BDP1: variants seen among roughly 807,000 people sequenced by gnomAD.
BDP1 encodes the protein BDP1 general transcription factor IIIB subunit.
Under a neutral mutation model 266.6 loss-of-function variants are expected in BDP1, and 169 were observed. That is an observed-to-expected ratio of 0.63 (90% CI 0.56 to 0.72). The LOEUF (loss-of-function observed/expected upper bound fraction) is 0.72. Ranked by LOEUF, BDP1 falls within the 30% of genes least tolerant of loss-of-function variation. The probability of loss-of-function intolerance (pLI) is 0.00; values close to 1 mark genes in which losing one functional copy is unlikely to be tolerated. For missense variants in BDP1, 3,015 were observed against 3,053.8 expected (o/e 0.99, Z 0.30); for synonymous variants, 1,090 against 1,022.4 (o/e 1.07, Z -1.26).
intron 26 of BDP1, among the ~76,000 whole-genome samples, chr5:71,534,201 T>C (rs886956455): frequency 1.3e-5 from 2 of 152,248 alleles, no homozygotes; most frequent in Non-Finnish European, 2.9e-5. Context: ...ATTTTTCTTC[T>C]AAAAGATGAT....
At chr5:71,475,863 TC>T (rs1762546662) in intron 7 of BDP1, 1 of 152,842 alleles carries the variant, frequency 6.5e-6, no homozygotes, top group Admixed American at 6.5e-5. Flanking sequence ...TTTTACCACT[TC>T]AATCACTAAA....
intron 15 of BDP1, among the ~76,000 whole-genome samples, chr5:71,503,065 A>G (rs1309547085): frequency 8.1e-5 from 11 of 136,634 alleles, no homozygotes; most frequent in African/African-American, 2.9e-4. Flanking sequence ...ACTCTGTCTC[A>G]AAAAAAAAAA....
intron 13 of BDP1, among the ~76,000 whole-genome samples, chr5:71,497,784 G>GT (rs1272936719): frequency 1.3e-5 from 2 of 152,066 alleles, no homozygotes; most frequent in Non-Finnish European, 2.9e-5. Flanking sequence ...CAAACTTTCT[G>GT]TTTGTTTTTT....
At chr5:71,471,010 T>TA (rs1380453070) in intron 7 of BDP1, among the ~76,000 whole-genome samples, 1 of 152,096 alleles carries the variant, frequency 6.6e-6, no homozygotes, top group African/African-American at 2.4e-5. Context: ...CATATTTTCT[T>TA]ATATCTTCTT....
rs1173184532 is a variant in BDP1, at chr5:71,525,428, G to A, written c.5772+1105G>A. 6.8e-4 allele frequency among the ~76,000 whole-genome samples: 95 copies of A among 138,856 alleles called. 2 individuals are homozygous for A. Among genetic ancestry groups the A allele is most frequent in the African/African-American group, 2.4e-3 (89 of 37,850 alleles). 91.1% of individuals were successfully genotyped at this position (138,856 alleles called of 152,430 possible). On this transcript the variant is annotated intron_variant, in intron 25 of 38. Transcript: ENST00000358731. ...ACCTCCCTCCCGGACGGGGCGGCTG[G>A]CCGGGCGGGGGGCTGACACCCCCCA...
chr5:71,524,654 A>C (rs1233682880), intron 25 of BDP1, among the ~76,000 whole-genome samples: 1 of 111,004 alleles, frequency 9.0e-6, no homozygotes, highest in Non-Finnish European at 2.0e-5. Context: ...ATTTTTTTTT[A>C]TTGATCATTC....
chr5:71,572,473 G>C (rs1373471502), downstream of BDP1, among the ~76,000 whole-genome samples: 1 of 152,198 alleles, frequency 6.6e-6, no homozygotes, highest in Non-Finnish European at 1.5e-5. Flanking sequence ...GGGACCCCGG[G>C]ATGAGTCTGC....
intron 25 of BDP1, among the ~76,000 whole-genome samples, chr5:71,527,261 T>C (rs2150524226): frequency 1.3e-5 from 2 of 150,634 alleles, no homozygotes; most frequent in East Asian, 3.9e-4. Flanking sequence ...GGTTGTCCCC[T>C]AGCCTGGCAA....
chr5:71,525,655 C>T (rs71576942), intron 25 of BDP1, among the ~76,000 whole-genome samples: 23 of 123,932 alleles, frequency 1.9e-4, no homozygotes, highest in East Asian at 5.0e-4. Flanking sequence ...CCCCACCTCC[C>T]TTCCGGACGG....
chr5:71,481,934 G>T (rs989148693), intron 7 of BDP1, among the ~76,000 whole-genome samples: 1 of 152,082 alleles, frequency 6.6e-6, no homozygotes, highest in African/African-American at 2.4e-5. Flanking sequence ...CTACATCCCT[G>T]GTAGAGAAAG....
intron 17 of BDP1, chr5:71,511,390 G>A: frequency 2.3e-6 from 1 of 440,594 alleles, no homozygotes; most frequent in South Asian, 5.1e-5. Flanking sequence ...GGCCAAGGTG[G>A]AAGGATTACT....
downstream of BDP1, among the ~76,000 whole-genome samples, chr5:71,568,140 G>C (rs764440935): frequency 1.3e-5 from 2 of 152,162 alleles, no homozygotes; most frequent in African/African-American, 4.8e-5. Context: ...AGAAGACCCT[G>C]TCTTTGTGGG....
Position 71,503,064 on chromosome 5 carries a change from C to CAA in BDP1, c.2241+290_2241+291dup, listed in dbSNP as rs1190511316. Among the ~76,000 whole-genome samples, 633 of 78,382 alleles carry CAA rather than the reference C, an allele frequency of 8.1e-3. 6 individuals carry two copies. Among genetic ancestry groups the CAA allele is most frequent in the African/African-American group, 0.023 (598 of 25,660 alleles). 51.4% of individuals were successfully genotyped at this position (78,382 alleles called of 152,430 possible). A position where few individuals can be genotyped will look rare whatever the true frequency, so the allele number is the denominator to read the frequency against. The stretch of plus-strand genomic sequence containing the variant: ...TAGGCGACAGAGCAAGACTCTGTCT[C>CAA]AAAAAAAAAAAAAAAAAATTCACAT... On this transcript the variant is annotated intron_variant, in intron 15 of 38. Transcript: ENST00000358731.
rs754236983 is a variant in BDP1, at chr5:71,461,899, A to G, written c.572A>G (p.Tyr191Cys). ...RSKMTMRDFI[Y>C]YLPDNNPMTS... Reference sequence around the variant, plus strand: ...AAAATGACTATGAGAGACTTCATATATTATCTACCAGATAATAATCCAATG... The same window carrying G: ...AAAATGACTATGAGAGACTTCATATGTTATCTACCAGATAATAATCCAATG... Residue 191 changes from tyrosine (Y) to cysteine (C), a missense_variant, in exon 3 of 39, where the codon TAT becomes TGT. By Grantham distance (194) the Tyr-to-Cys change is radical. Coordinates refer to ENST00000358731, the MANE Select transcript of BDP1 (RefSeq NM_018429.3). 1.1e-5 allele frequency: 18 copies of G among 1,568,146 alleles called. No individual in the cohort carries two copies. Among genetic ancestry groups the G allele is most frequent in the Admixed American group, 1.7e-5 (1 of 58,486 alleles).
Position 71,514,986 on chromosome 5 carries a change from G to A in BDP1, c.4513G>A (p.Gly1505Ser). 1 of 1,611,436 alleles carries A rather than the reference G, an allele frequency of 6.2e-7. No individual in the cohort carries two copies. Among genetic ancestry groups the A allele is most frequent in the South Asian group, 1.1e-5 (1 of 90,328 alleles). ...GATATCAAGAGAAAAAGACACATTA[G>A]GTCACAGGAATGAGGAGGCTGTGAT... ...LMISREKDTL[G>S]HRNEEAVILP... The change falls in exon 20 of 39, where the codon GGT becomes AGT. Residue 1505 changes from glycine to serine, a missense_variant. By Grantham distance (56) the Gly-to-Ser change is moderately conservative. This residue lies in a region of BDP1 where 2,383 missense variants were observed against 2,404.9 expected (regional missense o/e 0.99). Coordinates refer to ENST00000358731, the MANE Select transcript of BDP1 (RefSeq NM_018429.3).
chr5:71,539,111 C>T (rs1477108139), intron 27 of BDP1, 33 bp downstream of exon 27: 6 of 1,463,956 alleles, frequency 4.1e-6, no homozygotes, highest in Non-Finnish European at 5.7e-6. Context: ...CTAAGACTAC[C>T]TTGATTAACA....
rs1437811425 is a variant in BDP1 at position 71,513,281 on chromosome 5, A to G, written c.4344A>G (p.Ala1448=). 3 of 1,613,492 alleles carry G rather than the reference A, an allele frequency of 1.9e-6. No individual in the cohort carries two copies. Among genetic ancestry groups the G allele is most frequent in the Non-Finnish European group, 2.5e-6 (3 of 1,179,750 alleles). ...FKRPKPNLAR[A]ALKRETTESE... The stretch of plus-strand genomic sequence containing the variant: ...GACCAAAACCAAACTTAGCAAGAGC[A>G]GCTTTGAAGAGAGAGACTACAGAAT... The change falls in exon 19 of 39, where the codon GCA becomes GCG. Residue 1448 remains alanine, a synonymous_variant. Coordinates refer to ENST00000358731, the MANE Select transcript of BDP1 (RefSeq NM_018429.3).
intron 25 of BDP1, among the ~76,000 whole-genome samples, chr5:71,530,560 A>T (rs1171300442): frequency 6.6e-6 from 1 of 150,920 alleles, no homozygotes; most frequent in Non-Finnish European, 1.5e-5. Flanking sequence ...TTTTAAATTC[A>T]TTTTTTTGGA....
intron 22 of BDP1, among the ~76,000 whole-genome samples, chr5:71,519,183 A>T (rs1004900870): frequency 1.3e-5 from 2 of 151,260 alleles, no homozygotes; most frequent in South Asian, 2.1e-4. Context: ...AAAGCCTTAA[A>T]TTTTTTTTTG....
Sources: gnomAD v4.1 joint callset for allele counts (sites outside exome capture counted in the v4.1 genomes callset) on GRCh38, gnomAD v4.1.1 for gene constraint, gnomAD v4.1.1 regional missense constraint, MANE v1.5 for transcripts, NCBI Gene and HGNC (gene_info 2026-07-23, HGNC 2026-07-21) for gene names.